The following RIC8B variants were observed in gnomAD, a reference collection of about 807,000 sequenced individuals.
RIC8B encodes chaperone Ric-8B.
RIC8B carries 16 observed loss-of-function variants against 57.5 expected under a neutral mutation model. The observed-to-expected ratio is 0.28, with a 90% CI of 0.19 to 0.42. The LOEUF is 0.42. Ranked by LOEUF, RIC8B falls within the 10% of genes least tolerant of loss-of-function variation. RIC8B has a pLI of 1.00. For missense variants in RIC8B, 481 were observed against 677.0 expected, an observed-to-expected ratio of 0.71 and a Z score of 3.21; for synonymous variants, 216 against 250.8, an observed-to-expected ratio of 0.86 and a Z score of 1.31.
At chr12:106,811,281 T>C (rs760244894) in intron 2 of RIC8B, among the ~76,000 whole-genome samples, 1 of 152,236 alleles carries the variant, frequency 6.6e-6, no homozygotes, top group Admixed American at 6.5e-5. Flanking sequence ...AGTTAACCCT[T>C]GACCCTAACG....
rs2045509322 is a variant in RIC8B, at chr12:106,815,040, C to T, written c.477C>T (p.Asp159=). The part of the protein sequence containing the change: ...RKCKDRKFIN[D]IKCFDLRLLF... Reference sequence around the variant, plus strand: ...GCAAGGACCGGAAATTTATCAATGACATTAAGTGCTTTGACTTGCGCTTGC... The same window carrying T: ...GCAAGGACCGGAAATTTATCAATGATATTAAGTGCTTTGACTTGCGCTTGC... Residue 159 remains aspartate, a synonymous_variant, in exon 3 of 10, where the codon GAC becomes GAT. Transcript: ENST00000392837. 3.7e-6 allele frequency: 6 copies of T among 1,614,106 alleles called. No individual in the cohort carries two copies. Among genetic ancestry groups the T allele is most frequent in the Non-Finnish European group, 5.1e-6 (6 of 1,180,054 alleles).
rs559872961 is a variant in RIC8B, at chr12:106,806,761, C to T, written c.133-7935C>T. On this transcript the variant is annotated intron_variant, in intron 2 of 9. Coordinates refer to ENST00000392837, the MANE Select transcript of RIC8B (RefSeq NM_001330145.2). ...AGGGGAATTGCTTGAACCCGGGAGG[C>T]GGAGATTGCACGCGCCAAGATCATG... 3.4e-4 allele frequency among the ~76,000 whole-genome samples: 52 copies of T among 152,170 alleles called. No homozygotes were observed. The East Asian group carries it at 7.0e-3, about 20-fold the overall frequency.
At chr12:106,838,688 A>G (rs554702959) in intron 4 of RIC8B, among the ~76,000 whole-genome samples, 1 of 152,328 alleles carries the variant, frequency 6.6e-6, no homozygotes, top group South Asian at 2.1e-4. Flanking sequence ...GTAGAATTAC[A>G]TGAAACTAGA....
intron 4 of RIC8B, among the ~76,000 whole-genome samples, chr12:106,840,372 C>A (rs2046813417): frequency 6.6e-6 from 1 of 152,108 alleles, no homozygotes; most frequent in Admixed American, 6.5e-5. Context: ...TGTCATGTCT[C>A]AGTGATTAAT....
intron 9 of RIC8B, among the ~76,000 whole-genome samples, chr12:106,885,688 G>C (rs1161066075): frequency 6.6e-6 from 1 of 151,974 alleles, no homozygotes; most frequent in African/African-American, 2.4e-5. Context: ...GGTTTGGCCT[G>C]TGTGAATGAA....
rs573154866 is a variant in RIC8B at position 106,881,056 on chromosome 12, C to A, written c.1572-4848C>A. Among the ~76,000 whole-genome samples the A allele has an allele frequency of 7.7e-4, 117 of 152,264 alleles. 1 individual carries two copies. The highest frequency in any genetic ancestry group is 2.6e-3 in the Admixed American group (39 of 15,282). On this transcript the variant is annotated intron_variant, in intron 9 of 9. Coordinates refer to ENST00000392837, the MANE Select transcript of RIC8B (RefSeq NM_001330145.2). ...TACAACTAAATTTAATTCACAAACA[C>A]TTATTGAGGATCTGCTATCTGCAAG...
At chr12:106,783,092 A>G (rs2043840263) in intron 1 of RIC8B, among the ~76,000 whole-genome samples, 1 of 152,194 alleles carries the variant, frequency 6.6e-6, no homozygotes, top group Non-Finnish European at 1.5e-5. Context: ...TACTTCAGCT[A>G]CAGAGTAGAA....
intron 4 of RIC8B, among the ~76,000 whole-genome samples, chr12:106,839,579 T>A (rs2046773744): frequency 6.6e-6 from 1 of 152,182 alleles, no homozygotes; most frequent in Admixed American, 6.5e-5. Context: ...ATACAAAGTT[T>A]TAGTTATGCA....
chr12:106,840,016 A>G (rs1417827870), intron 4 of RIC8B, among the ~76,000 whole-genome samples: 1 of 152,150 alleles, frequency 6.6e-6, no homozygotes. Context: ...TATCTCAAAA[A>G]CAATTTTTTT....
At position 106,788,502 on chromosome 12, in the gene RIC8B, C is replaced by A. The variant is rs149563960; in HGVS notation, c.132+4458C>A. On this transcript the variant is annotated intron_variant, in intron 2 of 9. Coordinates refer to ENST00000392837, the MANE Select transcript of RIC8B (RefSeq NM_001330145.2). The stretch of plus-strand genomic sequence containing the variant: ...CAGAGGTTCTCCATGAGGGCCCCGC[C>A]CCTGCAGCAAACTTTTGCCTGGGCA... 3.9e-4 allele frequency among the ~76,000 whole-genome samples: 59 copies of A among 152,320 alleles called. 1 individual carries two copies. Among genetic ancestry groups the A allele is most frequent in the African/African-American group, 1.4e-3 (57 of 41,572 alleles).
intron 2 of RIC8B, chr12:106,798,132 T>C (rs2044569192): frequency 1.5e-6 from 1 of 648,186 alleles, no homozygotes; most frequent in South Asian, 1.7e-5. Flanking sequence ...CTTATAACAC[T>C]TAGGCATATC....
intron 4 of RIC8B, among the ~76,000 whole-genome samples, chr12:106,839,574 A>G (rs1213119696): frequency 2.0e-5 from 3 of 152,170 alleles, no homozygotes; most frequent in East Asian, 3.8e-4. Context: ...AAAAGATACA[A>G]AGTTTTAGTT....
intron 3 of RIC8B, among the ~76,000 whole-genome samples, chr12:106,825,302 G>C (rs532443531): frequency 1.3e-5 from 2 of 152,208 alleles, no homozygotes; most frequent in South Asian, 4.2e-4. Flanking sequence ...TGAAGTTCGT[G>C]GATTTATTGC....
chr12:106,823,933 G>A (rs1049665373), intron 3 of RIC8B, among the ~76,000 whole-genome samples: 1 of 152,136 alleles, frequency 6.6e-6, no homozygotes, highest in Non-Finnish European at 1.5e-5. Context: ...TGATCCACCC[G>A]CCTCGGCCTC....
chr12:106,851,417 G>A (rs758909315), intron 6 of RIC8B, 33 bp from the exon 7 acceptor site: 35 of 1,578,782 alleles, frequency 2.2e-5, no homozygotes, highest in Admixed American at 8.6e-5. Context: ...TAGTAGCCTC[G>A]ATTGATGATG....
chr12:106,854,636 T>C (rs1036778510), intron 7 of RIC8B, among the ~76,000 whole-genome samples: 1 of 151,794 alleles, frequency 6.6e-6, no homozygotes, highest in Non-Finnish European at 1.5e-5. Flanking sequence ...ACTAAAAATA[T>C]AAAAATTAGC....
intron 4 of RIC8B, among the ~76,000 whole-genome samples, chr12:106,835,234 T>C (rs1261559710): frequency 6.6e-6 from 1 of 152,138 alleles, no homozygotes; most frequent in Non-Finnish European, 1.5e-5. Flanking sequence ...CAAGACTTTT[T>C]ATAATGTCCC....
In RIC8B at chr12:106,886,256, T is replaced by C. The variant is rs199554424; in HGVS notation, c.*241T>C. The C allele has an allele frequency of 3.0e-5, 13 of 436,158 alleles. No homozygotes were observed. In the East Asian group the frequency reaches 4.2e-4, roughly 14 times the overall value. The allele number at this position is 436,158 out of a possible 1,614,324, so 27.0% of individuals were successfully genotyped here. On this transcript the variant is annotated 3_prime_UTR_variant, in exon 10 of 10. Coordinates refer to ENST00000392837, the MANE Select transcript of RIC8B (RefSeq NM_001330145.2). ...GGCTAAAAGCAGAAAAAAAATTCCA[T>C]TTCATCGGGATGGAACTGAAGGATT...
At chr12:106,778,383 T>C (rs1381909965) in intron 1 of RIC8B, among the ~76,000 whole-genome samples, 2 of 152,220 alleles carry the variant, frequency 1.3e-5, no homozygotes, top group African/African-American at 4.8e-5. Flanking sequence ...GAAACTTGTC[T>C]GTTTGTCAAG....
Sources: allele counts gnomAD v4.1 joint callset (sites outside exome capture counted in the v4.1 genomes callset), GRCh38; gene constraint gnomAD v4.1.1; transcripts MANE v1.5; gene names NCBI Gene and HGNC (gene_info 2026-07-23, HGNC 2026-07-21).